The following CNTN5 variants were observed in gnomAD, a reference collection of about 807,000 sequenced individuals.
CNTN5 encodes contactin-5.
In CNTN5, 77 loss-of-function variants were observed where a neutral mutation model predicts 129.1. The ratio of observed to expected loss-of-function variants is 0.60; its 90% CI spans 0.50 to 0.72. The LOEUF (loss-of-function observed/expected upper bound fraction) is 0.72, where lower values mean the gene tolerates loss of function less well. CNTN5 is among the 30% of genes least tolerant of loss of function. The pLI is 0.00. For synonymous variants in CNTN5, 509 were observed against 465.6 expected (o/e 1.09, Z -1.20); for missense variants, 1,478 against 1,328.8 (o/e 1.11, Z -1.75).
chr11:99,890,599 G>T (rs1949034435), intron 6 of CNTN5, among the ~76,000 whole-genome samples: 1 of 151,894 alleles, frequency 6.6e-6, no homozygotes, highest in African/African-American at 2.4e-5. Flanking sequence ...ATGATTGAAA[G>T]AATTACTAAA....
intron 3 of CNTN5, among the ~76,000 whole-genome samples, chr11:99,738,997 A>G (rs1943804799): frequency 6.6e-6 from 1 of 152,182 alleles, no homozygotes; most frequent in Non-Finnish European, 1.5e-5. Context: ...GCCCAGATGT[A>G]ATAAATATAG....
chr11:100,306,327 A>G (rs1951348868), intron 20 of CNTN5, among the ~76,000 whole-genome samples: 1 of 151,662 alleles, frequency 6.6e-6, no homozygotes, highest in African/African-American at 2.4e-5. Context: ...GTACAGTACT[A>G]CTGAAAGTTG....
chr11:99,447,154 C>A (rs1944104860), intron 2 of CNTN5, among the ~76,000 whole-genome samples: 1 of 152,166 alleles, frequency 6.6e-6, no homozygotes, highest in African/African-American at 2.4e-5. Context: ...AAACTCTGAA[C>A]TTCAATTTCT....
chr11:100,075,529 G>T (rs1944093507), intron 13 of CNTN5, among the ~76,000 whole-genome samples: 1 of 152,154 alleles, frequency 6.6e-6, no homozygotes, highest in South Asian at 2.1e-4. Flanking sequence ...TTATGCTTAG[G>T]TTCAGTGAAG....
intron 7 of CNTN5, among the ~76,000 whole-genome samples, chr11:99,917,958 A>G (rs1226753048): frequency 6.6e-6 from 1 of 152,136 alleles, no homozygotes; most frequent in East Asian, 1.9e-4. Flanking sequence ...CTGCTTGACC[A>G]AGGCCAACTT....
At chr11:100,010,281 G>T (rs1940444039) in intron 9 of CNTN5, among the ~76,000 whole-genome samples, 1 of 152,016 alleles carries the variant, frequency 6.6e-6, no homozygotes, top group South Asian at 2.1e-4. Flanking sequence ...TTTATGGAAA[G>T]TCAGTAACTA....
chr11:99,775,873 C>G (rs1032406947), intron 3 of CNTN5, among the ~76,000 whole-genome samples: 27 of 151,898 alleles, frequency 1.8e-4, no homozygotes, highest in African/African-American at 6.3e-4. Context: ...AAGAAAAACT[C>G]CTTAATAACG....
chr11:100,208,249 A>C (rs918744274), intron 15 of CNTN5, among the ~76,000 whole-genome samples: 2 of 152,304 alleles, frequency 1.3e-5, no homozygotes, highest in Non-Finnish European at 2.9e-5. Flanking sequence ...CCATTTATTT[A>C]GTTCATGATT....
intron 13 of CNTN5, among the ~76,000 whole-genome samples, chr11:100,187,555 T>C (rs1319856619): frequency 6.6e-6 from 1 of 152,048 alleles, no homozygotes; most frequent in Non-Finnish European, 1.5e-5. Flanking sequence ...AGTATAAGGT[T>C]ACAGTAAACT....
rs138536442 is a variant in CNTN5, at chr11:100,024,164, G to T, written c.980+22028G>T. On this transcript the variant is annotated intron_variant, in intron 9 of 24. Transcript: ENST00000524871. The stretch of plus-strand genomic sequence containing the variant: ...GAATCATGAAGGCAGTTTCCTTCAT[G>T]CTGTTCTCATGATAGTGAGTGAGTT... Among the ~76,000 whole-genome samples, 765 of 152,232 alleles carry T rather than the reference G, an allele frequency of 5.0e-3. 5 individuals are homozygous for T. The highest frequency in any genetic ancestry group is 9.2e-3 in the Non-Finnish European group (623 of 68,020).
At chr11:99,872,272 T>G (rs1009305903) in intron 6 of CNTN5, among the ~76,000 whole-genome samples, 2 of 152,098 alleles carry the variant, frequency 1.3e-5, no homozygotes, top group African/African-American at 4.8e-5. Context: ...GTTTCTTTGC[T>G]TTACTGGAAA....
At chr11:99,966,463 C>A (rs1426575769) in intron 8 of CNTN5, among the ~76,000 whole-genome samples, 3 of 152,104 alleles carry the variant, frequency 2.0e-5, no homozygotes, top group East Asian at 3.9e-4. Flanking sequence ...CCCACAGGAC[C>A]AGAGCCTTAC....
At chr11:99,225,903 G>A (rs546336992) in intron 1 of CNTN5, among the ~76,000 whole-genome samples, 18 of 152,194 alleles carry the variant, frequency 1.2e-4, no homozygotes, top group South Asian at 2.1e-4. Context: ...AGTTAAACAT[G>A]TAATGTCATA....
At chr11:99,593,306 C>T (rs1950034282) in intron 3 of CNTN5, among the ~76,000 whole-genome samples, 1 of 149,348 alleles carries the variant, frequency 6.7e-6, no homozygotes, top group Non-Finnish European at 1.5e-5. Flanking sequence ...AAATAAATAA[C>T]AACAACTCTG....
intron 3 of CNTN5, among the ~76,000 whole-genome samples, chr11:99,767,588 A>C (rs1402688696): frequency 2.7e-5 from 4 of 149,474 alleles, no homozygotes; most frequent in Non-Finnish European, 5.9e-5. Context: ...AAAGCTTCTT[A>C]TTTTCCCATT....
chr11:99,219,729 A>C (rs2135698865), intron 1 of CNTN5, among the ~76,000 whole-genome samples: 1 of 152,018 alleles, frequency 6.6e-6, no homozygotes. Flanking sequence ...TAGATTTTAA[A>C]GAATTTCACT....
chr11:99,879,189 C>T (rs1020535534), intron 6 of CNTN5, among the ~76,000 whole-genome samples: 2 of 151,998 alleles, frequency 1.3e-5, no homozygotes, highest in Non-Finnish European at 1.5e-5. Flanking sequence ...CCACCCACCT[C>T]GGCCTCCCAA....
At position 99,129,517 on chromosome 11, in the gene CNTN5, G is replaced by C. The variant is rs1858823984; in HGVS notation, c.-210+108247G>C. Among the ~76,000 whole-genome samples the C allele has an allele frequency of 4.6e-5, 7 of 152,298 alleles. No homozygotes were observed. In the South Asian group the frequency reaches 1.5e-3, roughly 32 times the overall value. On this transcript the variant is annotated intron_variant, in intron 1 of 24. Transcript: ENST00000524871. ...GTACCTGAAAGAGACAGGGAGAATG[G>C]AAGCAAGTTGGAAAAGACACTTAAG...
chr11:99,118,665 T>C (rs1297574206), intron 1 of CNTN5, among the ~76,000 whole-genome samples: 3 of 152,074 alleles, frequency 2.0e-5, no homozygotes, highest in African/African-American at 7.2e-5. Flanking sequence ...TAATTGAAGC[T>C]TTTGAAATAA....
Sources: allele counts gnomAD v4.1 joint callset (sites outside exome capture counted in the v4.1 genomes callset), GRCh38; gene constraint gnomAD v4.1.1; transcripts MANE v1.5; gene names NCBI Gene and HGNC (gene_info 2026-07-23, HGNC 2026-07-21).